THSD1: variants seen among roughly 807,000 people sequenced by gnomAD.
The protein encoded by THSD1 is thrombospondin type 1 domain containing 1.
In THSD1, 34 loss-of-function variants were observed where a neutral mutation model predicts 46.3. The ratio of observed to expected loss-of-function variants is 0.74; its 90% CI spans 0.56 to 0.98. The LOEUF is 0.98. Ranked by LOEUF, THSD1 falls within the 50% of genes least tolerant of loss-of-function variation. The pLI is 0.00. For missense variants in THSD1, 1,023 were observed against 1,058.3 expected, an observed-to-expected ratio of 0.97 and a Z score of 0.46; for synonymous variants, 407 against 416.5, an observed-to-expected ratio of 0.98 and a Z score of 0.28.
At position 52,378,669 on chromosome 13, in the gene THSD1, G is replaced by C. The variant is rs756442008; in HGVS notation, c.1301C>G (p.Thr434Arg). The C allele has an allele frequency of 1.2e-6, 2 of 1,614,104 alleles. No individual in the cohort carries two copies. Among genetic ancestry groups the C allele is most frequent in the East Asian group, 4.5e-5 (2 of 44,872 alleles). Residue 434 changes from threonine (T) to arginine (R), a missense_variant, in exon 5 of 5, where the codon ACG (threonine) becomes AGG (arginine). Coordinates refer to ENST00000258613, the MANE Select transcript of THSD1 (RefSeq NM_018676.4). ...TGGCCGGCCGAACCTCCTCCACAGC[G>C]TGATGAGCACAGTGGCAATGATGAT... ...LFIIIATVLI[T>R]LWRRFGRPAK...
In THSD1 at chr13:52,397,275, A is replaced by T; in HGVS notation, c.978T>A (p.His326Gln). ...CFDFGISSRS[H>Q]FSAKEECMLI... ...GCATGCACTCCTCCTTTGCAGAAAAATGGCTTCTGCTTGAAATGCCAAAGT... is the reference window on the plus strand; with the variant it reads ...GCATGCACTCCTCCTTTGCAGAAAATTGGCTTCTGCTTGAAATGCCAAAGT... Residue 326 changes from histidine to glutamine, a missense_variant, in exon 3 of 5, where the codon CAT becomes CAA. This residue lies in a region of THSD1 where 429 missense variants were observed against 518.3 expected (regional missense o/e 0.83). Coordinates refer to ENST00000258613, the MANE Select transcript of THSD1 (RefSeq NM_018676.4). 6.2e-7 allele frequency: 1 copy of T among 1,610,922 alleles called. No individual in the cohort carries two copies. The highest frequency in any genetic ancestry group is 8.5e-7 in the Non-Finnish European group (1 of 1,178,530).
chr13:52,377,595 G>C lies in THSD1; in HGVS notation c.2375C>G (p.Pro792Arg). The C allele has an allele frequency of 6.2e-7, 1 of 1,603,256 alleles. No homozygotes were observed. The highest frequency in any genetic ancestry group is 1.1e-5 in the South Asian group (1 of 89,956). Reference sequence around the variant, plus strand: ...ACACTTGTCTTTTCTACACTGAGAAGGGCTCAGAGAACTGACCCTCTGGTA... The same window carrying C: ...ACACTTGTCTTTTCTACACTGAGAACGGCTCAGAGAACTGACCCTCTGGTA... ...DNYQRVSSLSPSQCRKDKCQS... is the reference protein window; with the variant it reads ...DNYQRVSSLSRSQCRKDKCQS... The change falls in exon 5 of 5, where the codon CCT becomes CGT. Residue 792 changes from proline to arginine, a missense_variant. Pro to Arg is a moderately radical substitution (Grantham distance 103). This residue lies in a region of THSD1 where 578 missense variants were observed against 497.4 expected (regional missense o/e 1.16). Coordinates refer to ENST00000258613, the MANE Select transcript of THSD1 (RefSeq NM_018676.4).
chr13:52,403,938 ATTTTTTTTTTTTTTT>A (rs67802176), intron 1 of THSD1, among the ~76,000 whole-genome samples: 1 of 63,882 alleles, frequency 1.6e-5, no homozygotes, highest in African/African-American at 7.8e-5. Context: ...CATTATTCAC[ATTTTTTTTTTTTTTT>A]TTTTTTTTTT....
chr13:52,397,872 C>G lies in THSD1; in HGVS notation c.381G>C (p.Trp127Cys). 2 of 1,614,246 alleles carry G rather than the reference C, an allele frequency of 1.2e-6. No homozygotes were observed. Among genetic ancestry groups the G allele is most frequent in the Non-Finnish European group, 1.7e-6 (2 of 1,180,050 alleles). Reference sequence around the variant, plus strand: ...TATTCAAGTCAACGTGAAAGACAGGCCATTCCACCTTCAGAAAGGCACTTT... The same window carrying G: ...TATTCAAGTCAACGTGAAAGACAGGGCATTCCACCTTCAGAAAGGCACTTT... ...WEKSAFLKVE[W>C]PVFHVDLNRS... The change falls in exon 3 of 5, where the codon TGG (tryptophan) becomes TGC (cysteine). Residue 127 changes from tryptophan to cysteine, a missense_variant. Around this residue, in one of 3 missense-constraint regions of THSD1, gnomAD observed 429 missense variants for 518.3 expected, o/e 0.83. Coordinates refer to ENST00000258613, the MANE Select transcript of THSD1 (RefSeq NM_018676.4).
intron 2 of THSD1, among the ~76,000 whole-genome samples, chr13:52,401,407 C>CT (rs1957859790): frequency 6.6e-6 from 1 of 151,994 alleles, no homozygotes; most frequent in Non-Finnish European, 1.5e-5. Context: ...TCACGCCATT[C>CT]CCTGCCTTAG....
intron 4 of THSD1, among the ~76,000 whole-genome samples, chr13:52,382,587 G>C (rs1366044598): frequency 6.6e-6 from 1 of 152,062 alleles, no homozygotes; most frequent in African/African-American, 2.4e-5. Context: ...ACTACTTTCA[G>C]TTCTCCAGGT....
chr13:52,395,767 T>A (rs368734413), intron 3 of THSD1, among the ~76,000 whole-genome samples: 17 of 152,100 alleles, frequency 1.1e-4, no homozygotes, highest in African/African-American at 4.1e-4. Flanking sequence ...GTGCCTGGAT[T>A]TGGAGTCCTG....
chr13:52,379,269 G>T (rs927151171), intron 4 of THSD1, among the ~76,000 whole-genome samples: 130 of 152,100 alleles, frequency 8.5e-4, no homozygotes, highest in African/African-American at 3.0e-3. Flanking sequence ...AACAAGGACT[G>T]GGATTTCTGG....
At chr13:52,378,938 T>A in intron 4 of THSD1, 149 bp from the exon 5 acceptor site, 1 of 893,862 alleles carries the variant, frequency 1.1e-6, no homozygotes, top group Non-Finnish European at 1.6e-6. Context: ...TCTCGGCTCA[T>A]TGCAACCTCC....
chr13:52,381,147 C>T (rs1957689219), intron 4 of THSD1, among the ~76,000 whole-genome samples: 1 of 152,144 alleles, frequency 6.6e-6, no homozygotes, highest in East Asian at 1.9e-4. Context: ...CTGCCAGACA[C>T]TTCCCAACCT....
intron 3 of THSD1, among the ~76,000 whole-genome samples, chr13:52,395,996 A>C (rs769780503): frequency 6.6e-6 from 1 of 152,234 alleles, no homozygotes; most frequent in African/African-American, 2.4e-5. Context: ...AGGCGTATCA[A>C]AAGGACGAAG....
Position 52,378,265 on chromosome 13 carries a change from T to TG in THSD1, c.1704dup (p.Ser569GlnfsTer90). 6.2e-7 allele frequency: 1 copy of TG among 1,614,218 alleles called. No homozygotes were observed. Among genetic ancestry groups the TG allele is most frequent in the Non-Finnish European group, 8.5e-7 (1 of 1,180,038 alleles). ...GGGCTTTCCAAATCTAAGGGAGCGC[T>TG]GGGGGCCGCATCAATGGCAGTGTCT... On this transcript the variant is annotated frameshift_variant, in exon 5 of 5. Coordinates refer to ENST00000258613, the MANE Select transcript of THSD1 (RefSeq NM_018676.4). LOFTEE classifies it low-confidence loss of function (END_TRUNC).
intron 1 of THSD1, among the ~76,000 whole-genome samples, chr13:52,403,167 T>A (rs1217127251): frequency 6.6e-6 from 1 of 152,178 alleles, no homozygotes; most frequent in Non-Finnish European, 1.5e-5. Flanking sequence ...ACAATTGGTG[T>A]GTTACCAGGA....
intron 3 of THSD1, among the ~76,000 whole-genome samples, chr13:52,389,072 T>A (rs1416740679): frequency 6.6e-6 from 1 of 152,012 alleles, no homozygotes; most frequent in Non-Finnish European, 1.5e-5. Flanking sequence ...GCGATTCTCA[T>A]GCCTCAGCCT....
rs1957824249 is a variant in THSD1, at chr13:52,397,896, T to G, written c.357A>C (p.Lys119Asn). 3 of 1,614,242 alleles carry G rather than the reference T, an allele frequency of 1.9e-6. No homozygotes were observed. In the East Asian group the frequency reaches 6.7e-5, roughly 36 times the overall value. ...DNSTPFPWWE[K>N]SAFLKVEWPV... Reference sequence around the variant, plus strand: ...GCCATTCCACCTTCAGAAAGGCACTTTTCTCCCACCAGGGGAATGGAGTGC... The same window carrying G: ...GCCATTCCACCTTCAGAAAGGCACTGTTCTCCCACCAGGGGAATGGAGTGC... Residue 119 changes from lysine (K) to asparagine (N), a missense_variant, in exon 3 of 5, where the codon AAA becomes AAC. By Grantham distance (94) the Lys-to-Asn change is moderately conservative (BLOSUM62 0). Transcript: ENST00000258613.
At position 52,377,861 on chromosome 13, in the gene THSD1, G is replaced by C. The variant is rs1957647477; in HGVS notation, c.2109C>G (p.His703Gln). 1 of 1,614,104 alleles carries C rather than the reference G, an allele frequency of 6.2e-7. No homozygotes were observed. The change falls in exon 5 of 5, where the codon CAC (histidine) becomes CAG (glutamine). Residue 703 changes from histidine (H) to glutamine (Q), a missense_variant. Transcript: ENST00000258613. ...AATGCTCCAGTTTTTCAGGAAACAG[G>C]TGGGCACCTCGACTCTGAGGCCTAA... ...DRFRPQSRGA[H>Q]LFPEKLEHFQ...
In THSD1 at chr13:52,377,367, G is replaced by A. The variant is rs748898951; in HGVS notation, c.*44C>T. ...AGTTACACAAAAGTCTACAAAACGCGAGTAGCAGACCCCAGCTGTGTAAAG... is the reference window on the plus strand; with the variant it reads ...AGTTACACAAAAGTCTACAAAACGCAAGTAGCAGACCCCAGCTGTGTAAAG... On this transcript the variant is annotated 3_prime_UTR_variant, in exon 5 of 5. Coordinates refer to ENST00000258613, the MANE Select transcript of THSD1 (RefSeq NM_018676.4). The A allele has an allele frequency of 1.3e-5, 19 of 1,491,844 alleles. No individual in the cohort carries two copies. The highest frequency in any genetic ancestry group is 1.7e-5 in the Non-Finnish European group (19 of 1,116,804). The allele number at this position is 1,491,844 out of a possible 1,614,324, so 92.4% of individuals were successfully genotyped here.
chr13:52,393,303 G>A (rs9536057), intron 3 of THSD1, among the ~76,000 whole-genome samples: 10,908 of 152,232 alleles, frequency 0.072, 523 homozygotes, highest in African/African-American at 0.13. Context: ...AGTAATCACT[G>A]TGTAAATATT....
chr13:52,396,546 A>G lies in THSD1; in HGVS notation c.1021+686T>C, dbSNP rs561664521. 5.3e-5 allele frequency among the ~76,000 whole-genome samples: 8 copies of G among 152,248 alleles called. No homozygotes were observed. In the East Asian group the frequency reaches 1.5e-3, roughly 29 times the overall value. ...GTCTCAAAACAAAACAAAACAAAAC[A>G]AAGATAAAAAACGAACGAGACCATT... is the stretch of plus-strand genomic sequence containing the variant. On this transcript the variant is annotated intron_variant, in intron 3 of 4. Transcript: ENST00000258613.
Sources: allele counts gnomAD v4.1 joint callset (sites outside exome capture counted in the v4.1 genomes callset), GRCh38; gene constraint gnomAD v4.1.1; regional missense constraint gnomAD v4.1.1; transcripts MANE v1.5; gene names NCBI Gene and HGNC (gene_info 2026-07-23, HGNC 2026-07-21).